EPC2: variants seen among roughly 807,000 people sequenced by gnomAD.
The protein encoded by EPC2 is enhancer of polycomb homolog 2.
In EPC2, 14 loss-of-function variants were observed where a neutral mutation model predicts 92.1. The ratio of observed to expected loss-of-function variants is 0.15; its 90% CI spans 0.10 to 0.24. The LOEUF (loss-of-function observed/expected upper bound fraction) is 0.24. EPC2 is among the 10% of genes least tolerant of loss of function. EPC2 has a pLI of 1.00. For missense variants in EPC2, 755 were observed against 971.5 expected (o/e 0.78, Z 2.96); for synonymous variants, 340 against 334.7 (o/e 1.02, Z -0.17).
chr2:148,726,549 T>A (rs1036181057), intron 2 of EPC2, among the ~76,000 whole-genome samples: 1 of 152,166 alleles, frequency 6.6e-6, no homozygotes, highest in African/African-American at 2.4e-5. Context: ...TGCATTTCCC[T>A]GATGATTACT....
At chr2:148,721,842 T>A (rs1368070527) in intron 2 of EPC2, among the ~76,000 whole-genome samples, 1 of 150,094 alleles carries the variant, frequency 6.7e-6, no homozygotes, top group Non-Finnish European at 1.5e-5. Flanking sequence ...GCATCTCTAT[T>A]ATATTAAATA....
intron 2 of EPC2, 141 bp from the exon 3 acceptor site, chr2:148,743,481 A>G: frequency 1.8e-6 from 1 of 565,584 alleles, no homozygotes; most frequent in Admixed American, 4.2e-5. Flanking sequence ...TAAGTCTCTG[A>G]AATTAATTGT....
chr2:148,647,619 C>CTTTTTTTT (rs55731814), intron 1 of EPC2, among the ~76,000 whole-genome samples: 4 of 63,730 alleles, frequency 6.3e-5, no homozygotes, highest in African/African-American at 1.3e-4. Context: ...GCCTTGCAGA[C>CTTTTTTTT]TTTTTTTTTT....
At chr2:148,669,245 C>G (rs963731962) in intron 1 of EPC2, among the ~76,000 whole-genome samples, 1 of 152,162 alleles carries the variant, frequency 6.6e-6, no homozygotes, top group African/African-American at 2.4e-5. Context: ...GTTCCCCTCT[C>G]CCTCTTTTTC....
intron 1 of EPC2, among the ~76,000 whole-genome samples, chr2:148,660,453 T>C (rs371744150): frequency 2.9e-4 from 44 of 152,142 alleles, no homozygotes; most frequent in African/African-American, 1.0e-3. Context: ...ATTAAAGAAA[T>C]TCTTGTGTGC....
intron 1 of EPC2, among the ~76,000 whole-genome samples, chr2:148,683,272 A>ATTT (rs201642199): frequency 7.1e-6 from 1 of 139,892 alleles, no homozygotes; most frequent in Non-Finnish European, 1.6e-5. Context: ...CCATTATATC[A>ATTT]TTTTTTTTTT....
Position 148,698,364 on chromosome 2 carries a change from G to T in EPC2, c.313+7991G>T, listed in dbSNP as rs140296221. Among the ~76,000 whole-genome samples, 344 of 152,146 alleles carry T rather than the reference G, an allele frequency of 2.3e-3. 3 individuals carry two copies. The highest frequency in any genetic ancestry group is 7.8e-3 in the African/African-American group (324 of 41,504). On this transcript the variant is annotated intron_variant, in intron 2 of 13. Transcript: ENST00000258484. ...TAAGAATCTCCTGTTTTGGCTGGGC[G>T]CAGTGGCTCGTGCCTGTAATCCCAG...
In EPC2 at chr2:148,745,329, A is replaced by C. The variant is rs1682964232; in HGVS notation, c.459+1562A>C. 3.9e-5 allele frequency among the ~76,000 whole-genome samples: 6 copies of C among 152,242 alleles called. 2 individuals are homozygous for C. The highest frequency in any genetic ancestry group is 3.9e-4 in the Admixed American group (6 of 15,286). On this transcript the variant is annotated intron_variant, in intron 3 of 13. Transcript: ENST00000258484. ...TACTCATAGTGGCTGAGATGATACC[A>C]TCAGAAGCCTTCAGCTCTCTGTTCT...
At chr2:148,784,624 T>G (rs1436484727) in intron 12 of EPC2, 44 bp from the exon 13 acceptor site, 1 of 1,330,122 alleles carries the variant, frequency 7.5e-7, no homozygotes, top group Non-Finnish European at 1.0e-6. Context: ...AATAGTTGTA[T>G]TGATGTCTCA....
intron 3 of EPC2, among the ~76,000 whole-genome samples, chr2:148,749,330 A>C (rs997256518): frequency 2.0e-5 from 3 of 152,118 alleles, no homozygotes; most frequent in African/African-American, 7.2e-5. Context: ...AGTACTTCTG[A>C]AGGTGTAGAA....
chr2:148,705,238 TTCTAAC>T (rs1681968984), intron 2 of EPC2, among the ~76,000 whole-genome samples: 1 of 152,188 alleles, frequency 6.6e-6, no homozygotes, highest in East Asian at 1.9e-4. Context: ...TGTCTATAGA[TTCTAAC>T]TCTTAAGTAA....
chr2:148,650,384 C>G (rs1163247420), intron 1 of EPC2, among the ~76,000 whole-genome samples: 2 of 152,026 alleles, frequency 1.3e-5, no homozygotes, highest in African/African-American at 4.8e-5. Context: ...AATATTATAT[C>G]CTCTTTTCCT....
intron 10 of EPC2, among the ~76,000 whole-genome samples, chr2:148,775,658 AAATTAAATAAAATTAAATTTAATTT>A (rs373823079): frequency 1.0e-4 from 14 of 138,594 alleles, no homozygotes; most frequent in African/African-American, 3.2e-4. Context: ...TCTTTAAATA[AAATTAAATAAAATTAAATTTAATTT>A]AATTAAATAA....
At chr2:148,655,069 T>G (rs1015909674) in intron 1 of EPC2, among the ~76,000 whole-genome samples, 15 of 152,246 alleles carry the variant, frequency 9.9e-5, no homozygotes, top group African/African-American at 3.6e-4. Flanking sequence ...ATGAGGGTAG[T>G]CATGCCATTT....
chr2:148,699,366 G>T (rs560111964), intron 2 of EPC2, among the ~76,000 whole-genome samples: 5 of 152,084 alleles, frequency 3.3e-5, no homozygotes, highest in Admixed American at 2.0e-4. Context: ...TGAAAAATGC[G>T]TAACATGGAT....
intron 1 of EPC2, among the ~76,000 whole-genome samples, chr2:148,652,762 C>G (rs557838883): frequency 6.6e-6 from 1 of 152,238 alleles, no homozygotes; most frequent in South Asian, 2.1e-4. Context: ...TTTGGCTTAT[C>G]GTTCTTTTAT....
chr2:148,756,764 A>G (rs764751311), intron 4 of EPC2, among the ~76,000 whole-genome samples: 1 of 152,202 alleles, frequency 6.6e-6, no homozygotes. Flanking sequence ...AGAAGAAGTA[A>G]GATAGTTAAG....
intron 2 of EPC2, among the ~76,000 whole-genome samples, chr2:148,716,495 G>A (rs929962725): frequency 6.6e-6 from 1 of 151,982 alleles, no homozygotes; most frequent in African/African-American, 2.4e-5. Flanking sequence ...GTATTTTTTT[G>A]TCTTTAGTTC....
At chr2:148,753,650 A>G (rs1193567415) in intron 3 of EPC2, among the ~76,000 whole-genome samples, 3 of 152,166 alleles carry the variant, frequency 2.0e-5, no homozygotes, top group South Asian at 4.1e-4. Context: ...CCTGAGGCAT[A>G]TATTTATTAT....
Sources: gnomAD v4.1 joint callset for allele counts (sites outside exome capture counted in the v4.1 genomes callset) on GRCh38, gnomAD v4.1.1 for gene constraint, MANE v1.5 for transcripts, NCBI Gene and HGNC (gene_info 2026-07-23, HGNC 2026-07-21) for gene names.